BDP1: variants seen among roughly 807,000 people sequenced by gnomAD.
The protein encoded by BDP1 is transcription factor TFIIIB component B'' homolog.
BDP1 carries 169 observed loss-of-function variants against 266.6 expected under a neutral mutation model. The ratio of observed to expected loss-of-function variants is 0.63; its 90% CI spans 0.56 to 0.72. The LOEUF is 0.72. Ranked by LOEUF, BDP1 falls within the 30% of genes least tolerant of loss-of-function variation. The pLI is 0.00. For synonymous variants in BDP1, 1,090 were observed against 1,022.4 expected (o/e 1.07, Z -1.26); for missense variants, 3,015 against 3,053.8 (o/e 0.99, Z 0.30).
intron 16 of BDP1, among the ~76,000 whole-genome samples, chr5:71,508,452 A>T (rs1222725275): frequency 6.9e-6 from 1 of 144,870 alleles, no homozygotes; most frequent in African/African-American, 2.5e-5. Context: ...CTACAGGTGC[A>T]CGCCACCTCA....
intron 4 of BDP1, among the ~76,000 whole-genome samples, chr5:71,464,619 G>A (rs1269225214): frequency 6.6e-6 from 1 of 151,660 alleles, no homozygotes; most frequent in Non-Finnish European, 1.5e-5. Context: ...ATAGCTCACT[G>A]CAGCCTTGAC....
chr5:71,562,816 C>T, intron 38 of BDP1: 1 of 1,330,786 alleles, frequency 7.5e-7, no homozygotes, highest in Non-Finnish European at 9.8e-7. Context: ...GCAGTGCTGA[C>T]ACCCACAAGA....
intron 19 of BDP1, 122 bp downstream of exon 19, chr5:71,513,529 G>A: frequency 1.5e-6 from 1 of 675,618 alleles, no homozygotes; most frequent in Non-Finnish European, 2.6e-6. Context: ...TTTGCTGCAT[G>A]TGATATTGCT....
intron 1 of BDP1, among the ~76,000 whole-genome samples, chr5:71,456,612 G>A (rs1052233469): frequency 6.6e-4 from 100 of 152,180 alleles, no homozygotes; most frequent in African/African-American, 2.3e-3. Context: ...TTAGCGTCAT[G>A]TATCATATTT....
intron 7 of BDP1, among the ~76,000 whole-genome samples, chr5:71,471,700 T>G (rs1008599095): frequency 1.3e-5 from 2 of 152,246 alleles, no homozygotes; most frequent in African/African-American, 4.8e-5. Context: ...TTAAGTGCAT[T>G]TGAGTGTCAT....
chr5:71,461,841 A>C lies in BDP1; in HGVS notation c.514A>C (p.Ile172Leu). The C allele has an allele frequency of 6.2e-7, 1 of 1,604,164 alleles. No homozygotes were observed. The highest frequency in any genetic ancestry group is 2.2e-5 in the East Asian group (1 of 44,798). ...EKKQWKNKYA[I>L]NESQRPPDRS... is the part of the protein sequence containing the mutation. ...GAAACAATGGAAAAACAAATATGCT[A>C]TAAATGAAAGTCAGAGGCCACCAGA... The change falls in exon 3 of 39, where the codon ATA becomes CTA. Residue 172 changes from isoleucine to leucine, a missense_variant. By Grantham distance (5) the Ile-to-Leu change is conservative (BLOSUM62 2). Coordinates refer to ENST00000358731, the MANE Select transcript of BDP1 (RefSeq NM_018429.3).
intron 15 of BDP1, 25 bp downstream of exon 15, chr5:71,502,816 A>T: frequency 1.3e-6 from 2 of 1,589,188 alleles, no homozygotes; most frequent in Non-Finnish European, 1.7e-6. Context: ...TCCTCCTCAC[A>T]TTTTTGGTAA....
At chr5:71,543,448 CAGTT>C (rs1767090209) in intron 30 of BDP1, among the ~76,000 whole-genome samples, 1 of 152,016 alleles carries the variant, frequency 6.6e-6, no homozygotes, top group African/African-American at 2.4e-5. Context: ...TAATTTTTAA[CAGTT>C]AGCCAGACGT....
intron 26 of BDP1, among the ~76,000 whole-genome samples, chr5:71,532,819 A>G (rs1033036235): frequency 6.6e-6 from 1 of 152,200 alleles, no homozygotes; most frequent in Non-Finnish European, 1.5e-5. Flanking sequence ...TGATTTTCTC[A>G]TTATTTAAAG....
chr5:71,489,967 G>A (rs2150409851), intron 10 of BDP1, among the ~76,000 whole-genome samples: 1 of 152,306 alleles, frequency 6.6e-6, no homozygotes, highest in Middle Eastern at 3.4e-3. Context: ...TCTATATAGA[G>A]TTAAAAGTAT....
chr5:71,526,076 G>T (rs1228696045), intron 25 of BDP1, among the ~76,000 whole-genome samples: 15 of 152,192 alleles, frequency 9.9e-5, no homozygotes, highest in Admixed American at 9.8e-4. Flanking sequence ...ACTTTGGGGG[G>T]CCAAGGCAGG....
chr5:71,518,216 G>A (rs1765322849), intron 22 of BDP1, among the ~76,000 whole-genome samples: 1 of 152,114 alleles, frequency 6.6e-6, no homozygotes, highest in African/African-American at 2.4e-5. Context: ...TTAGTAACTA[G>A]AACATGTTTT....
At chr5:71,457,214 A>AT (rs1394190549) in intron 1 of BDP1, among the ~76,000 whole-genome samples, 1 of 148,216 alleles carries the variant, frequency 6.7e-6, no homozygotes, top group African/African-American at 2.5e-5. Flanking sequence ...GGTCAAGGAT[A>AT]TTTAATTTTT....
At chr5:71,530,231 T>A (rs2150531066) in intron 25 of BDP1, among the ~76,000 whole-genome samples, 1 of 152,190 alleles carries the variant, frequency 6.6e-6, no homozygotes, top group East Asian at 1.9e-4. Flanking sequence ...TTTATTTTTC[T>A]TTTCTTTATT....
At chr5:71,523,412 C>T (rs907097998) in intron 24 of BDP1, among the ~76,000 whole-genome samples, 1 of 152,266 alleles carries the variant, frequency 6.6e-6, no homozygotes, top group Non-Finnish European at 1.5e-5. Context: ...CTCCCAGGTA[C>T]AAGTGATTCT....
At position 71,562,417 on chromosome 5, in the gene BDP1, C is replaced by T. The variant is rs774921139; in HGVS notation, c.7640C>T (p.Pro2547Leu). 1.2e-6 allele frequency: 2 copies of T among 1,613,846 alleles called. No individual in the cohort carries two copies. Among genetic ancestry groups the T allele is most frequent in the South Asian group, 1.1e-5 (1 of 91,070 alleles). ...AGAAAGAAATTGAAAAGATCTAATCCATTCAATGAAAGCCAGGAAAAAAAT... is the reference window on the plus strand; with the variant it reads ...AGAAAGAAATTGAAAAGATCTAATCTATTCAATGAAAGCCAGGAAAAAAAT... ...GLRKKLKRSN[P>L]FNESQEKNRE... The change falls in exon 38 of 39, where the codon CCA (proline) becomes CTA (leucine). Residue 2547 changes from proline (P) to leucine (L), a missense_variant. By Grantham distance (98) the Pro-to-Leu change is moderately conservative. This residue lies in a region of BDP1 where 629 missense variants were observed against 632.5 expected (regional missense o/e 0.99). Coordinates refer to ENST00000358731, the MANE Select transcript of BDP1 (RefSeq NM_018429.3).
Position 71,489,702 on chromosome 5 carries a change from A to G in BDP1, c.1492+20A>G, listed in dbSNP as rs1307532513. The G allele has an allele frequency of 1.3e-6, 2 of 1,579,098 alleles. No individual in the cohort carries two copies. The highest frequency in any genetic ancestry group is 3.9e-5 in the Admixed American group (2 of 51,936). On this transcript the variant is annotated intron_variant, in intron 10 of 38. Coordinates refer to ENST00000358731, the MANE Select transcript of BDP1 (RefSeq NM_018429.3). ...ACAAGAGTAAGTTTCTTACATATTT[A>G]AAAAGCCTCTATATTACTTGAGAAG... is the stretch of plus-strand genomic sequence containing the variant.
Position 71,456,072 on chromosome 5 carries a change from A to G in BDP1, c.195A>G (p.Glu65=). 1 of 1,613,124 alleles carries G rather than the reference A, an allele frequency of 6.2e-7. No individual in the cohort carries two copies. Among genetic ancestry groups the G allele is most frequent in the East Asian group, 2.2e-5 (1 of 44,876 alleles). ...TVDFGGAEPQ[E]KAPRSSTEKT... is the part of the protein sequence containing the mutation. Reference sequence around the variant, plus strand: ...ATTTCGGTGGAGCGGAGCCCCAAGAAAAGGCTCCTAGGAGCAGGTAAGAGG... The same window carrying G: ...ATTTCGGTGGAGCGGAGCCCCAAGAGAAGGCTCCTAGGAGCAGGTAAGAGG... Residue 65 remains glutamate (E), a synonymous_variant, in exon 1 of 39, where the codon GAA becomes GAG. Transcript: ENST00000358731.
chr5:71,555,114 TG>T (rs1467920514), intron 35 of BDP1, among the ~76,000 whole-genome samples: 6 of 152,206 alleles, frequency 3.9e-5, no homozygotes, highest in Non-Finnish European at 8.8e-5. Flanking sequence ...TCAGTCTTTT[TG>T]TGTATGGCTT....
Sources: allele counts gnomAD v4.1 joint callset (sites outside exome capture counted in the v4.1 genomes callset), GRCh38; gene constraint gnomAD v4.1.1; regional missense constraint gnomAD v4.1.1; transcripts MANE v1.5; gene names NCBI Gene and HGNC (gene_info 2026-07-23, HGNC 2026-07-21).